Variants in ERC1 observed in about 807,000 individuals in gnomAD.
ERC1 encodes ELKS/RAB6-interacting/CAST family member 1.
A neutral mutation model predicts 132.0 loss-of-function variants in ERC1; 56 were observed. The observed-to-expected ratio is 0.42, with a 90% CI of 0.34 to 0.53. The LOEUF (loss-of-function observed/expected upper bound fraction) is 0.53, where lower values mean the gene tolerates loss of function less well. Ranked by LOEUF, ERC1 falls within the 20% of genes least tolerant of loss-of-function variation. ERC1 has a pLI of 0.03. For synonymous variants in ERC1, 478 were observed against 476.1 expected, an observed-to-expected ratio of 1.00 and a Z score of -0.05; for missense variants, 1,202 against 1,349.9, an observed-to-expected ratio of 0.89 and a Z score of 1.72.
At chr12:1,375,676 T>C (rs924146776) in intron 16 of ERC1, among the ~76,000 whole-genome samples, 2 of 151,154 alleles carry the variant, frequency 1.3e-5, no homozygotes, top group African/African-American at 4.9e-5. Context: ...AACTGTGCCA[T>C]AGGTGACACA....
At chr12:1,184,497 A>AT (rs1234263847) in intron 11 of ERC1, among the ~76,000 whole-genome samples, 1 of 152,138 alleles carries the variant, frequency 6.6e-6, no homozygotes, top group Non-Finnish European at 1.5e-5. Flanking sequence ...TAGTGTTCTA[A>AT]TTTACATTTT....
At chr12:1,176,252 C>G (rs769718561) in intron 8 of ERC1, among the ~76,000 whole-genome samples, 1 of 152,126 alleles carries the variant, frequency 6.6e-6, no homozygotes, top group Non-Finnish European at 1.5e-5. Flanking sequence ...TCTCCTTGTA[C>G]CTCTCTATCA....
At chr12:1,300,949 A>G (rs186257310) in intron 15 of ERC1, among the ~76,000 whole-genome samples, 14 of 152,344 alleles carry the variant, frequency 9.2e-5, no homozygotes, top group African/African-American at 3.4e-4. Context: ...ATCACTAGGT[A>G]TGTACCCAAA....
At chr12:1,059,594 C>A (rs906768179) in intron 2 of ERC1, among the ~76,000 whole-genome samples, 7 of 152,112 alleles carry the variant, frequency 4.6e-5, no homozygotes. Flanking sequence ...TTGAGATAAT[C>A]ATATGGATTT....
At chr12:1,288,067 G>A (rs1284047160) in intron 14 of ERC1, among the ~76,000 whole-genome samples, 2 of 152,154 alleles carry the variant, frequency 1.3e-5, no homozygotes, top group African/African-American at 2.4e-5. Flanking sequence ...AGATTATGTT[G>A]AACCTGTAGA....
intron 2 of ERC1, among the ~76,000 whole-genome samples, chr12:1,054,434 C>T (rs899532619): frequency 6.6e-6 from 1 of 151,930 alleles, no homozygotes; most frequent in Non-Finnish European, 1.5e-5. Context: ...CCCTACCGCA[C>T]CCCCGGCTCT....
At chr12:1,052,673 G>GAA (rs1409480882) in intron 2 of ERC1, among the ~76,000 whole-genome samples, 1 of 152,088 alleles carries the variant, frequency 6.6e-6, no homozygotes, top group Non-Finnish European at 1.5e-5. Context: ...TTACGTATCT[G>GAA]AAAATGAAAT....
chr12:1,386,486 A>G (rs1785744917), intron 16 of ERC1: 2 of 151,538 alleles, frequency 1.3e-5, no homozygotes, highest in Non-Finnish European at 1.5e-5. Flanking sequence ...CGTCTCTACT[A>G]AAAATACAAA....
intron 16 of ERC1, among the ~76,000 whole-genome samples, chr12:1,388,537 C>T (rs2089639655): frequency 6.6e-6 from 1 of 152,034 alleles, no homozygotes. Context: ...CAGGAGGAGA[C>T]AGGTCACGGA....
At chr12:1,176,092 A>T (rs891671145) in intron 8 of ERC1, among the ~76,000 whole-genome samples, 1 of 152,200 alleles carries the variant, frequency 6.6e-6, no homozygotes, top group Admixed American at 6.5e-5. Flanking sequence ...AAAAGTTTTC[A>T]ATTTACTTTG....
At chr12:1,029,904 C>T (rs903323416) in intron 2 of ERC1, among the ~76,000 whole-genome samples, 1 of 151,938 alleles carries the variant, frequency 6.6e-6, no homozygotes, top group Non-Finnish European at 1.5e-5. Flanking sequence ...CCCGCCACCA[C>T]GCCTGGCTAA....
intron 16 of ERC1, among the ~76,000 whole-genome samples, chr12:1,405,097 G>A (rs767129606): frequency 6.9e-4 from 104 of 151,238 alleles, no homozygotes; most frequent in African/African-American, 2.3e-3. Flanking sequence ...CTGAGATCTC[G>A]CCACTGCATT....
intron 12 of ERC1, among the ~76,000 whole-genome samples, chr12:1,201,751 T>C (rs1055396082): frequency 3.3e-5 from 5 of 152,220 alleles, no homozygotes; most frequent in Non-Finnish European, 7.3e-5. Context: ...ATCTACCATA[T>C]AGAAATTAAG....
intron 2 of ERC1, among the ~76,000 whole-genome samples, chr12:1,030,498 C>T (rs377656956): frequency 6.6e-6 from 1 of 151,962 alleles, no homozygotes; most frequent in Non-Finnish European, 1.5e-5. Flanking sequence ...TGAGAGGGTG[C>T]GGATTGGTTA....
At chr12:1,013,853 T>A (rs1181960860) in intron 1 of ERC1, among the ~76,000 whole-genome samples, 1 of 152,070 alleles carries the variant, frequency 6.6e-6, no homozygotes, top group Non-Finnish European at 1.5e-5. Flanking sequence ...TGCTACAGCC[T>A]CCCAAGTAGC....
At chr12:1,095,312 C>G (rs2154194602) in intron 3 of ERC1, among the ~76,000 whole-genome samples, 1 of 150,356 alleles carries the variant, frequency 6.7e-6, no homozygotes. Flanking sequence ...TGCCTGCGGT[C>G]CTAGCTATTT....
At chr12:1,176,826 A>G (rs1454868523) in intron 8 of ERC1, among the ~76,000 whole-genome samples, 1 of 152,216 alleles carries the variant, frequency 6.6e-6, no homozygotes, top group African/African-American at 2.4e-5. Context: ...TGCCAATAAA[A>G]GGCTGTTTCA....
intron 17 of ERC1, among the ~76,000 whole-genome samples, chr12:1,429,496 A>C (rs1261546754): frequency 6.6e-6 from 1 of 152,224 alleles, no homozygotes; most frequent in African/African-American, 2.4e-5. Flanking sequence ...TGTGATGTGA[A>C]ACTTTTATTA....
chr12:1,444,747 G>C lies in ERC1; in HGVS notation c.3210G>C (p.Gly1070=), dbSNP rs1456293554. The C allele has an allele frequency of 6.2e-7, 1 of 1,613,314 alleles. No homozygotes were observed. Among genetic ancestry groups the C allele is most frequent in the South Asian group, 1.1e-5 (1 of 90,904 alleles). The change falls in exon 18 of 19, where the codon GGG becomes GGC. Residue 1070 remains glycine (G), a synonymous_variant. Coordinates refer to ENST00000360905, the MANE Select transcript of ERC1 (RefSeq NM_178040.4). Reference sequence around the variant, plus strand: ...ATGAGCTGCAGAAGATGACCCGGGGGCAGGTGAGCCTCTCACTCAAACTTT... The same window carrying C: ...ATGAGCTGCAGAAGATGACCCGGGGCCAGGTGAGCCTCTCACTCAAACTTT... ...WENELQKMTR[G]QLQDELEKGE...
Sources: gnomAD v4.1 joint callset for allele counts (sites outside exome capture counted in the v4.1 genomes callset) on GRCh38, gnomAD v4.1.1 for gene constraint, MANE v1.5 for transcripts, NCBI Gene and HGNC (gene_info 2026-07-23, HGNC 2026-07-21) for gene names.